CHD9: variants seen among roughly 807,000 people sequenced by gnomAD.
The protein encoded by CHD9 is chromodomain helicase DNA binding protein 9.
A neutral mutation model predicts 316.1 loss-of-function variants in CHD9; 77 were observed. That is an observed-to-expected ratio of 0.24 (90% CI 0.20 to 0.29). The LOEUF (loss-of-function observed/expected upper bound fraction) is 0.29. Ranked by LOEUF, CHD9 falls within the 10% of genes least tolerant of loss-of-function variation. The pLI, the probability that CHD9 is intolerant of heterozygous loss-of-function variation, is 1.00. For missense variants in CHD9, 2,763 were observed against 3,438.1 expected (o/e 0.80, Z 4.91); for synonymous variants, 1,129 against 1,158.3 (o/e 0.97, Z 0.51).
intron 1 of CHD9, among the ~76,000 whole-genome samples, chr16:53,082,951 G>A (rs1054385348): frequency 2.0e-5 from 3 of 152,140 alleles, no homozygotes; most frequent in African/African-American, 4.8e-5. Context: ...CCCATCAGTC[G>A]TCTGCCTCCC....
chr16:53,248,616 C>T lies in CHD9; in HGVS notation c.3665+1113C>T, dbSNP rs2049878286. On this transcript the variant is annotated intron_variant, in intron 16 of 38. Coordinates refer to ENST00000447540, the MANE Select transcript of CHD9 (RefSeq NM_001308319.2). Reference sequence around the variant, plus strand: ...TCATAGCTCATTGCAACCTCGAACTCCTGAGCTCAAGCAATCCTCCCACCT... The same window carrying T: ...TCATAGCTCATTGCAACCTCGAACTTCTGAGCTCAAGCAATCCTCCCACCT... Among the ~76,000 whole-genome samples the T allele has an allele frequency of 2.0e-5, 3 of 147,058 alleles. No homozygotes were observed. The Admixed American group carries it at 2.1e-4, about 10-fold the overall frequency.
At chr16:53,103,277 C>A (rs997306622) in intron 1 of CHD9, among the ~76,000 whole-genome samples, 1 of 151,760 alleles carries the variant, frequency 6.6e-6, no homozygotes, top group African/African-American at 2.4e-5. Flanking sequence ...AAGTGATCCT[C>A]CTGCCTCAGC....
At chr16:53,108,898 T>C (rs1049189158) in intron 1 of CHD9, among the ~76,000 whole-genome samples, 7 of 151,528 alleles carry the variant, frequency 4.6e-5, no homozygotes, top group Admixed American at 1.3e-4. Context: ...GTTTCAAAAA[T>C]AAAATAAAAT....
At chr16:53,119,851 AAAAC>A (rs1427390169) in intron 1 of CHD9, among the ~76,000 whole-genome samples, 1 of 152,198 alleles carries the variant, frequency 6.6e-6, no homozygotes, top group East Asian at 1.9e-4. Flanking sequence ...CAAAACAACA[AAAAC>A]AAGTCAAGAA....
chr16:53,286,691 C>G (rs1413065102), intron 26 of CHD9, among the ~76,000 whole-genome samples: 2 of 152,136 alleles, frequency 1.3e-5, no homozygotes, highest in East Asian at 3.9e-4. Flanking sequence ...ATTACATAGT[C>G]ATCCCTCAAT....
At chr16:53,079,865 C>T (rs553091576) in intron 1 of CHD9, among the ~76,000 whole-genome samples, 2 of 152,338 alleles carry the variant, frequency 1.3e-5, no homozygotes, top group Non-Finnish European at 2.9e-5. Flanking sequence ...CTCTGCATCT[C>T]TTCATCTAGC....
rs2153123881 is a variant in CHD9, at chr16:53,324,477, G to A, written c.8276G>A (p.Ser2759Asn). ...GAAGGAAAAACAGAAAGGACAGAGA[G>A]CCAAAGTTCAGAGAATGGTGGAGAA... Reference protein sequence around the residue: ...ESEGKTERTESQSSENGGENS... With the variant: ...ESEGKTERTENQSSENGGENS... Residue 2759 changes from serine to asparagine, a missense_variant, in exon 39 of 39, where the codon AGC becomes AAC. By Grantham distance (46) the Ser-to-Asn change is conservative (BLOSUM62 1). Transcript: ENST00000447540. 1.2e-6 allele frequency: 2 copies of A among 1,613,950 alleles called. No homozygotes were observed. The highest frequency in any genetic ancestry group is 1.7e-5 in the Admixed American group (1 of 60,002).
At chr16:53,184,106 G>A (rs1054729262) in intron 2 of CHD9, among the ~76,000 whole-genome samples, 29 of 151,892 alleles carry the variant, frequency 1.9e-4, no homozygotes, top group South Asian at 4.2e-4. Context: ...CACCACGCCC[G>A]GCTAATTTTT....
At chr16:53,109,499 A>G (rs2037655214) in intron 1 of CHD9, among the ~76,000 whole-genome samples, 1 of 150,998 alleles carries the variant, frequency 6.6e-6, no homozygotes, top group Non-Finnish European at 1.5e-5. Flanking sequence ...TGCCCAGGCT[A>G]ATTTTTTGTA....
chr16:53,308,810 C>T lies in CHD9; in HGVS notation c.7178C>T (p.Ser2393Leu), dbSNP rs369051477. 311 of 1,613,688 alleles carry T rather than the reference C, an allele frequency of 1.9e-4. No individual in the cohort carries two copies. Among genetic ancestry groups the T allele is most frequent in the Non-Finnish European group, 2.4e-4 (279 of 1,179,812 alleles). ...CGGCTTCGAGAGCTTCAAAGTGCAT[C>T]AGAGACCAGCCTCGTCAATTTCCCA... The part of the protein sequence containing the change: ...LTRLRELQSA[S>L]ETSLVNFPKS... Residue 2393 changes from serine to leucine, a missense_variant, in exon 34 of 39, where the codon TCA (serine) becomes TTA (leucine). Physicochemically the swap from Ser to Leu is moderately radical, Grantham distance 145. Around this residue, in one of 15 missense-constraint regions of CHD9, gnomAD observed 663 missense variants for 751.2 expected, o/e 0.88. Transcript: ENST00000447540.
intron 2 of CHD9, among the ~76,000 whole-genome samples, chr16:53,204,225 C>T (rs1317509845): frequency 6.6e-6 from 1 of 151,182 alleles, no homozygotes; most frequent in Non-Finnish European, 1.5e-5. Flanking sequence ...ATCATTTTTC[C>T]CTTCTCTTTT....
At chr16:53,068,409 G>A (rs113614113) in intron 1 of CHD9, among the ~76,000 whole-genome samples, 2,456 of 152,234 alleles carry the variant, frequency 0.016, 70 homozygotes, top group African/African-American at 0.056. Context: ...CTTCCCCGCC[G>A]ATCCAGCATT....
chr16:53,271,525 C>T (rs1391578349), intron 22 of CHD9, among the ~76,000 whole-genome samples: 3 of 150,820 alleles, frequency 2.0e-5, no homozygotes, highest in Admixed American at 1.3e-4. Flanking sequence ...GCCGAGATCA[C>T]GCTACTGCAC....
chr16:53,157,035 G>A lies in CHD9; in HGVS notation c.946G>A (p.Gly316Arg), dbSNP rs201124945. 1 of 1,612,804 alleles carries A rather than the reference G, an allele frequency of 6.2e-7. No individual in the cohort carries two copies. Residue 316 changes from glycine (G) to arginine (R), a missense_variant, in exon 2 of 39, where the codon GGA becomes AGA. Around this residue, in one of 15 missense-constraint regions of CHD9, gnomAD observed 859 missense variants for 890.4 expected, o/e 0.96. Transcript: ENST00000447540. ...AAGTAATTCCTTTTCACCTCATAGA[G>A]GAATCAAGCAAGAATCTACTCAGCA... ...TGSNSFSPHR[G>R]IKQESTQHIL...
intron 2 of CHD9, among the ~76,000 whole-genome samples, chr16:53,186,236 C>T (rs2043993431): frequency 2.0e-5 from 3 of 152,218 alleles, no homozygotes; most frequent in African/African-American, 7.2e-5. Context: ...GGGAGCCCAC[C>T]TCTTGTATCA....
At position 53,326,884 on chromosome 16, in the gene CHD9, AG is replaced by A. The variant is rs2057559981; in HGVS notation, c.*1991del. 6.6e-6 allele frequency: 1 copy of A among 151,350 alleles called. No homozygotes were observed. The highest frequency in any genetic ancestry group is 1.5e-5 in the Non-Finnish European group (1 of 67,654). The allele number at this position is 151,350 out of a possible 1,614,324, so 9.4% of individuals were successfully genotyped here. On this transcript the variant is annotated 3_prime_UTR_variant, in exon 39 of 39. Coordinates refer to ENST00000447540, the MANE Select transcript of CHD9 (RefSeq NM_001308319.2). ...CTTTCGCCAATTAAAAAAAAAAAAA[AG>A]GAAAAAAAATCTGTAGATCTTGTCA...
chr16:53,251,901 A>T (rs2050159721), intron 17 of CHD9, among the ~76,000 whole-genome samples: 2 of 152,176 alleles, frequency 1.3e-5, no homozygotes, highest in South Asian at 4.1e-4. Flanking sequence ...GAAATCATAG[A>T]TGACACAAAC....
At chr16:53,263,246 G>T in intron 20 of CHD9, 149 bp downstream of exon 20, 1 of 556,008 alleles carries the variant, frequency 1.8e-6, no homozygotes, top group Non-Finnish European at 3.1e-6. Flanking sequence ...AACTGAGTGA[G>T]GTTCTCCTCC....
At position 53,292,954 on chromosome 16, in the gene CHD9, A is replaced by G. The variant is rs1390813832; in HGVS notation, c.5412A>G (p.Ile1804Met). The change falls in exon 29 of 39, where the codon ATA (isoleucine) becomes ATG (methionine). Residue 1804 changes from isoleucine (I) to methionine (M), a missense_variant. Ile to Met is a conservative substitution (Grantham distance 10). Transcript: ENST00000447540. ...ATAAAAACAGACAAATTCAGCAGAT[A>G]CAACCGACTTTCTCGGTGCCTACCA... is the stretch of plus-strand genomic sequence containing the variant. ...RTNKNRQIQQIQPTFSVPTSV... is the reference protein window; with the variant it reads ...RTNKNRQIQQMQPTFSVPTSV... The G allele has an allele frequency of 3.1e-6, 5 of 1,613,814 alleles. No individual in the cohort carries two copies. The highest frequency in any genetic ancestry group is 2.7e-5 in the African/African-American group (2 of 74,924).
Sources: allele counts gnomAD v4.1 joint callset (sites outside exome capture counted in the v4.1 genomes callset), GRCh38; gene constraint gnomAD v4.1.1; regional missense constraint gnomAD v4.1.1; transcripts MANE v1.5; gene names NCBI Gene and HGNC (gene_info 2026-07-23, HGNC 2026-07-21).